The following PDE3B variants were observed in gnomAD, a reference collection of about 807,000 sequenced individuals.
PDE3B encodes phosphodiesterase 3B.
In PDE3B, 66 loss-of-function variants were observed where a neutral mutation model predicts 116.8. The ratio of observed to expected loss-of-function variants is 0.56; its 90% CI spans 0.46 to 0.69. The LOEUF (loss-of-function observed/expected upper bound fraction) is 0.69, where lower values mean the gene tolerates loss of function less well. PDE3B is among the 30% of genes least tolerant of loss of function. The probability of loss-of-function intolerance (pLI) is 0.00; values close to 1 mark genes in which losing one functional copy is unlikely to be tolerated. For synonymous variants in PDE3B, 595 were observed against 533.6 expected (o/e 1.12, Z -1.59); for missense variants, 1,384 against 1,368.1 (o/e 1.01, Z -0.18).
intron 1 of PDE3B, among the ~76,000 whole-genome samples, chr11:14,658,836 G>T (rs1021404746): frequency 1.2e-4 from 19 of 152,040 alleles, no homozygotes; most frequent in African/African-American, 4.6e-4. Flanking sequence ...GGCCTTTCCT[G>T]TCTCTACATT....
the PDE3B span, among the ~76,000 whole-genome samples, chr11:14,879,723 C>T: frequency 6.6e-6 from 1 of 152,036 alleles, no homozygotes. Context: ...GAAATATATG[C>T]TATATATCTT....
At chr11:14,784,653 T>A (rs1355800754) in intron 2 of PDE3B, among the ~76,000 whole-genome samples, 1 of 151,736 alleles carries the variant, frequency 6.6e-6, no homozygotes, top group Non-Finnish European at 1.5e-5. Flanking sequence ...ACAAAACAAA[T>A]AATAAAACAG....
intron 1 of PDE3B, among the ~76,000 whole-genome samples, chr11:14,655,550 T>C (rs1191229231): frequency 1.3e-5 from 2 of 152,174 alleles, no homozygotes; most frequent in Non-Finnish European, 2.9e-5. Flanking sequence ...CAATAAGATA[T>C]GGTTCTATCC....
At chr11:14,837,257 T>A (rs1045659644) in intron 11 of PDE3B, among the ~76,000 whole-genome samples, 2 of 152,200 alleles carry the variant, frequency 1.3e-5, no homozygotes, top group Non-Finnish European at 2.9e-5. Context: ...TGACAGTGAC[T>A]CTCTTAATTT....
intron 2 of PDE3B, chr11:14,772,895 C>A (rs1281677804): frequency 2.6e-5 from 4 of 151,894 alleles, no homozygotes. Flanking sequence ...TTGACGTACA[C>A]AAAAATGTTA....
rs1373286585 is a variant in PDE3B at position 14,644,033 on chromosome 11, G to A, written c.-43G>A. 2.1e-6 allele frequency: 3 copies of A among 1,412,450 alleles called. No homozygotes were observed. The highest frequency in any genetic ancestry group is 1.5e-5 in the South Asian group (1 of 65,500). 87.5% of individuals were successfully genotyped at this position (1,412,450 alleles called of 1,614,324 possible). On this transcript the variant is annotated 5_prime_UTR_variant, in exon 1 of 16. Coordinates refer to ENST00000282096, the MANE Select transcript of PDE3B (RefSeq NM_000922.4). ...GGAGCGCGAGCGGCCGCTACGGTAC[G>A]AGCGGGGTGTGCTGAGTCCCGTGGC...
intron 14 of PDE3B, among the ~76,000 whole-genome samples, chr11:14,864,455 A>C (rs1848007458): frequency 6.6e-6 from 1 of 152,214 alleles, no homozygotes; most frequent in Non-Finnish European, 1.5e-5. Flanking sequence ...AGTGGACCTA[A>C]TAGACATCTA....
chr11:14,663,558 T>G (rs1565079327), intron 1 of PDE3B, among the ~76,000 whole-genome samples: 1 of 151,546 alleles, frequency 6.6e-6, no homozygotes, highest in African/African-American at 2.4e-5. Flanking sequence ...AGGCTCAAAA[T>G]AAAAGGAAGG....
At chr11:14,716,338 G>A in intron 1 of PDE3B, among the ~76,000 whole-genome samples, 1 of 152,188 alleles carries the variant, frequency 6.6e-6, no homozygotes, top group East Asian at 1.9e-4. Context: ...CAGCGAGGCT[G>A]GGGGAGGGGA....
chr11:14,879,372 T>C, the PDE3B span: 1 of 1,611,108 alleles, frequency 6.2e-7, no homozygotes, highest in Non-Finnish European at 8.5e-7. Context: ...GTATAAGGCA[T>C]TTTGCATTTG....
intron 14 of PDE3B, among the ~76,000 whole-genome samples, chr11:14,864,342 A>G (rs1372899328): frequency 6.6e-6 from 1 of 152,194 alleles, no homozygotes; most frequent in Non-Finnish European, 1.5e-5. Flanking sequence ...TCAGACTCCC[A>G]CAAAATAATA....
chr11:14,715,716 G>C (rs555324106), intron 1 of PDE3B, among the ~76,000 whole-genome samples: 1 of 152,280 alleles, frequency 6.6e-6, no homozygotes, highest in Non-Finnish European at 1.5e-5. Flanking sequence ...GAGACTATTT[G>C]ACTTCCTCTT....
At chr11:14,851,454 G>A (rs184147261) in intron 12 of PDE3B, among the ~76,000 whole-genome samples, 4 of 151,768 alleles carry the variant, frequency 2.6e-5, no homozygotes, top group East Asian at 1.9e-4. Context: ...TGTTGGGGTC[G>A]GGGGAAGGCA....
chr11:14,777,165 A>G (rs1320455420), intron 2 of PDE3B, among the ~76,000 whole-genome samples: 2 of 152,242 alleles, frequency 1.3e-5, no homozygotes, highest in Admixed American at 6.5e-5. Flanking sequence ...GTAGGATAGA[A>G]TCTGTGAGCT....
chr11:14,766,834 G>GA (rs889634627), intron 1 of PDE3B, among the ~76,000 whole-genome samples: 2 of 151,166 alleles, frequency 1.3e-5, no homozygotes, highest in Non-Finnish European at 3.0e-5. Flanking sequence ...TATTAAGTAG[G>GA]AAAAAAAATC....
the PDE3B span, among the ~76,000 whole-genome samples, chr11:14,882,203 A>C: frequency 3.3e-5 from 5 of 152,146 alleles, no homozygotes; most frequent in Non-Finnish European, 5.9e-5. Context: ...TGTATCAGGG[A>C]ACAAAAGAAG....
At chr11:14,889,659 G>T in the PDE3B span, among the ~76,000 whole-genome samples, 1 of 152,068 alleles carries the variant, frequency 6.6e-6, no homozygotes, top group Non-Finnish European at 1.5e-5. Context: ...CTATGATAGG[G>T]GACTTAGAAA....
intron 11 of PDE3B, among the ~76,000 whole-genome samples, chr11:14,842,729 G>T (rs1198382728): frequency 6.6e-6 from 1 of 152,090 alleles, no homozygotes; most frequent in African/African-American, 2.4e-5. Flanking sequence ...ACTCCAACCT[G>T]GGCATCATAG....
At chr11:14,730,042 A>G (rs1856413866) in intron 1 of PDE3B, among the ~76,000 whole-genome samples, 1 of 152,202 alleles carries the variant, frequency 6.6e-6, no homozygotes, top group Non-Finnish European at 1.5e-5. Flanking sequence ...AAATCACAGC[A>G]CATCAGTCTG....
Sources: gnomAD v4.1 joint callset for allele counts (sites outside exome capture counted in the v4.1 genomes callset) on GRCh38, gnomAD v4.1.1 for gene constraint, MANE v1.5 for transcripts, NCBI Gene and HGNC (gene_info 2026-07-23, HGNC 2026-07-21) for gene names.